Variants in CUL9 observed in about 807,000 individuals in gnomAD.
CUL9 encodes cullin-9.
Under a neutral mutation model 272.6 loss-of-function variants are expected in CUL9, and 79 were observed. The ratio of observed to expected loss-of-function variants is 0.29; its 90% CI spans 0.24 to 0.35. The LOEUF is 0.35. Ranked by LOEUF, CUL9 falls within the 10% of genes least tolerant of loss-of-function variation. The pLI, the probability that CUL9 is intolerant of heterozygous loss-of-function variation, is 1.00. For missense variants in CUL9, 2,532 were observed against 3,255.6 expected (o/e 0.78, Z 5.41); for synonymous variants, 1,186 against 1,286.5 (o/e 0.92, Z 1.67).
chr6:43,186,812 A>G (rs1772959633), intron 4 of CUL9, 148 bp from the exon 5 acceptor site: 3 of 937,322 alleles, frequency 3.2e-6, no homozygotes, highest in Non-Finnish European at 4.8e-6. Flanking sequence ...CTTTTGCCAT[A>G]TGGGGGTTTT....
At chr6:43,198,465 C>T in intron 11 of CUL9, 144 bp from the exon 12 acceptor site, 1 of 1,495,316 alleles carries the variant, frequency 6.7e-7, no homozygotes, top group South Asian at 1.4e-5. Flanking sequence ...AAAGAAAACC[C>T]CTCATAGTTT....
chr6:43,204,898 G>T (rs756145499), intron 22 of CUL9, 35 bp from the exon 23 acceptor site: 2 of 1,611,424 alleles, frequency 1.2e-6, no homozygotes, highest in African/African-American at 2.7e-5. Flanking sequence ...GGGAGGGGCT[G>T]CTCCTTTTAT....
chr6:43,191,224 A>G (rs915172909), intron 8 of CUL9, among the ~76,000 whole-genome samples: 2 of 149,058 alleles, frequency 1.3e-5, no homozygotes, highest in Non-Finnish European at 3.0e-5. Flanking sequence ...GTGTTTTCAT[A>G]TGGATAGCCA....
At position 43,200,301 on chromosome 6, in the gene CUL9, G is replaced by A. The variant is rs1774401992; in HGVS notation, c.3385-135G>A. On this transcript the variant is annotated intron_variant, in intron 14 of 40. Coordinates refer to ENST00000252050, the MANE Select transcript of CUL9 (RefSeq NM_015089.4). This position sits in a 1 kb window ranked among gnomAD's most constrained non-coding sequence, Gnocchi z 4.0. Reference sequence around the variant, plus strand: ...TTGTTTCCTAACCTTGACTCCACATGGTTCTGTCAAAATGTGGGGAGAGAG... The same window carrying A: ...TTGTTTCCTAACCTTGACTCCACATAGTTCTGTCAAAATGTGGGGAGAGAG... The A allele has an allele frequency of 6.7e-7, 1 of 1,503,410 alleles. No homozygotes were observed. Among genetic ancestry groups the A allele is most frequent in the African/African-American group, 1.4e-5 (1 of 72,594 alleles). 93.1% of individuals were successfully genotyped at this position (1,503,410 alleles called of 1,614,324 possible).
Position 43,199,741 on chromosome 6 carries a change from C to A in CUL9, c.3157-188C>A, listed in dbSNP as rs1030551698. 6.6e-6 allele frequency among the ~76,000 whole-genome samples: 1 copy of A among 152,310 alleles called. No homozygotes were observed. Among genetic ancestry groups the A allele is most frequent in the Middle Eastern group, 3.4e-3 (1 of 294 alleles). The stretch of plus-strand genomic sequence containing the variant: ...AAGCTGTGCCCAAGCTCTGTTCTGC[C>A]AACTCACTCTGGAGTCCCAGCACTC... On this transcript the variant is annotated intron_variant, in intron 13 of 40. Transcript: ENST00000252050. The surrounding 1 kb of genome is among the most constrained non-coding windows in gnomAD (Gnocchi z 4.4).
intron 20 of CUL9, 95 bp downstream of exon 20, chr6:43,204,082 C>T: frequency 6.8e-7 from 1 of 1,462,416 alleles, no homozygotes; most frequent in Non-Finnish European, 9.2e-7. Flanking sequence ...TGGTTCCTGT[C>T]TTTATCCCTG....
At position 43,205,356 on chromosome 6, in the gene CUL9, C is replaced by T. The variant is rs777071644; in HGVS notation, c.4726C>T (p.Arg1576Trp). The T allele has an allele frequency of 1.5e-5, 24 of 1,614,072 alleles. 1 individual carries two copies. The highest frequency in any genetic ancestry group is 4.5e-5 in the East Asian group (2 of 44,894). ...PGVEMLGQLQ[R>W]HLEPIMVLSG... is the part of the protein sequence containing the mutation. Reference sequence around the variant, plus strand: ...AGTGGAAATGCTGGGGCAGCTTCAGCGGCACCTGGAACCCATTATGGTCCT... The same window carrying T: ...AGTGGAAATGCTGGGGCAGCTTCAGTGGCACCTGGAACCCATTATGGTCCT... The change falls in exon 24 of 41, where the codon CGG becomes TGG. Residue 1576 changes from arginine (R) to tryptophan (W), a missense_variant. By Grantham distance (101) the Arg-to-Trp change is moderately radical. Around this residue, in one of 3 missense-constraint regions of CUL9, gnomAD observed 2,218 missense variants for 2,788.6 expected, o/e 0.80. Transcript: ENST00000252050.
chr6:43,211,908 GGTTA>G (rs112293824), intron 26 of CUL9, among the ~76,000 whole-genome samples: 4 of 152,246 alleles, frequency 2.6e-5, no homozygotes, highest in Admixed American at 6.5e-5. Context: ...GGGGTTTTTT[GGTTA>G]GTTATTTTGT....
chr6:43,214,995 A>T (rs551309124), intron 29 of CUL9, 84 bp from the exon 30 acceptor site: 2 of 1,475,874 alleles, frequency 1.4e-6, no homozygotes, highest in Non-Finnish European at 1.8e-6. Context: ...AGGGGGGGAA[A>T]AATAAGTGGC....
At chr6:43,191,275 T>TGTGC (rs1467565218) in intron 8 of CUL9, among the ~76,000 whole-genome samples, 1 of 149,580 alleles carries the variant, frequency 6.7e-6, no homozygotes. Flanking sequence ...TGTGTGTGTG[T>TGTGC]GTGTGTGTGT....
At position 43,224,005 on chromosome 6, in the gene CUL9, G is replaced by T; in HGVS notation, c.7285-90G>T. 8.1e-7 allele frequency: 1 copy of T among 1,241,808 alleles called. No homozygotes were observed. The highest frequency in any genetic ancestry group is 1.2e-6 in the Non-Finnish European group (1 of 842,768). The allele number at this position is 1,241,808 out of a possible 1,614,324, so 76.9% of individuals were successfully genotyped here. On this transcript the variant is annotated intron_variant, in intron 39 of 40. Transcript: ENST00000252050. The surrounding 1 kb of genome is among the most constrained non-coding windows in gnomAD (Gnocchi z 4.2). ...AGGGGAGCAGTCCTAGCAGGAGCTTGGCCCTCCCAGAGCATCAGTGGAAGG... is the reference window on the plus strand; with the variant it reads ...AGGGGAGCAGTCCTAGCAGGAGCTTTGCCCTCCCAGAGCATCAGTGGAAGG...
rs1024152947 is a variant in CUL9 at position 43,199,120 on chromosome 6, G to C, written c.3051-146G>C. 3.4e-5 allele frequency: 26 copies of C among 771,282 alleles called. No homozygotes were observed. The highest frequency in any genetic ancestry group is 4.9e-5 in the South Asian group (3 of 61,178). The allele number at this position is 771,282 out of a possible 1,614,324, so 47.8% of individuals were successfully genotyped here. A position where few individuals can be genotyped will look rare whatever the true frequency, so the allele number is the denominator to read the frequency against. On this transcript the variant is annotated intron_variant, in intron 12 of 40. Coordinates refer to ENST00000252050, the MANE Select transcript of CUL9 (RefSeq NM_015089.4). The surrounding 1 kb of genome is among the most constrained non-coding windows in gnomAD (Gnocchi z 4.4). ...CCCAGCTAATTTTGTATTTTTAGTAGAGATGGGGTTTCTCCATTTTGGTCA... is the reference window on the plus strand; with the variant it reads ...CCCAGCTAATTTTGTATTTTTAGTACAGATGGGGTTTCTCCATTTTGGTCA...
rs767075887 is a variant in CUL9 at position 43,204,734 on chromosome 6, C to A, written c.4340-14C>A. 15 of 1,613,402 alleles carry A rather than the reference C, an allele frequency of 9.3e-6. No individual in the cohort carries two copies. In the Admixed American group the frequency reaches 2.2e-4, roughly 23 times the overall value. On this transcript the variant is annotated splice_polypyrimidine_tract_variant and intron_variant, in intron 21 of 40. Coordinates refer to ENST00000252050, the MANE Select transcript of CUL9 (RefSeq NM_015089.4). ...CTGAGATGAAACCCCTTCCTTCTCC[C>A]TCTGTCTCTACAGTCAGCAAGAACA...
In CUL9 at chr6:43,187,270, C is replaced by T. The variant is rs542638811; in HGVS notation, c.1412C>T (p.Pro471Leu). 4.3e-6 allele frequency: 7 copies of T among 1,613,952 alleles called. 1 individual carries two copies. The South Asian group carries it at 7.7e-5, about 18-fold the overall frequency. The change falls in exon 6 of 41, where the codon CCT (proline) becomes CTT (leucine). Residue 471 changes from proline (P) to leucine (L), a missense_variant. Physicochemically the swap from Pro to Leu is moderately conservative, Grantham distance 98 (BLOSUM62 -3). This residue lies in a region of CUL9 where 2,218 missense variants were observed against 2,788.6 expected (regional missense o/e 0.80). Coordinates refer to ENST00000252050, the MANE Select transcript of CUL9 (RefSeq NM_015089.4). ...GCATTTCCCTCCTGGGACTGGAATC[C>T]TATGGATGGGCTGTACCCTTTGCCG... is the stretch of plus-strand genomic sequence containing the variant. ...GTAFPSWDWN[P>L]MDGLYPLPYL...
chr6:43,213,916 G>A lies in CUL9; in HGVS notation c.5688+4G>A. ...CATTGATCAGCTGGTTTGTCTGGTA[G>A]GCAGAGAGGGGACCATGAAGTTGGC... On this transcript the variant is annotated splice_donor_region_variant and intron_variant, in intron 29 of 40. Coordinates refer to ENST00000252050, the MANE Select transcript of CUL9 (RefSeq NM_015089.4). The surrounding 1 kb of genome is among the most constrained non-coding windows in gnomAD (Gnocchi z 5.7). The A allele has an allele frequency of 6.2e-7, 1 of 1,613,984 alleles. No individual in the cohort carries two copies. Among genetic ancestry groups the A allele is most frequent in the African/African-American group, 1.3e-5 (1 of 75,046 alleles).
Position 43,196,881 on chromosome 6 carries a change from G to T in CUL9, c.2803+19G>T. Reference sequence around the variant, plus strand: ...CGTGCAGGTACCATTGTGGAGGGGTGGTTTTGCAGAGGAATCACACAGTGC... The same window carrying T: ...CGTGCAGGTACCATTGTGGAGGGGTTGTTTTGCAGAGGAATCACACAGTGC... On this transcript the variant is annotated intron_variant, in intron 11 of 40. Transcript: ENST00000252050. The T allele has an allele frequency of 6.2e-7, 1 of 1,606,088 alleles. No individual in the cohort carries two copies.
chr6:43,185,821 C>A (rs1163471311), intron 3 of CUL9, 134 bp from the exon 4 acceptor site: 3 of 1,296,846 alleles, frequency 2.3e-6, no homozygotes, highest in Non-Finnish European at 3.1e-6. Context: ...GCCTTTCTTA[C>A]ACAAATCAAA....
chr6:43,223,231 G>A lies in CUL9; in HGVS notation c.7151-33G>A, dbSNP rs1423870177. The A allele has an allele frequency of 1.3e-6, 2 of 1,569,330 alleles. No individual in the cohort carries two copies. The highest frequency in any genetic ancestry group is 1.8e-5 in the Admixed American group (1 of 55,776). On this transcript the variant is annotated intron_variant, in intron 38 of 40. Coordinates refer to ENST00000252050, the MANE Select transcript of CUL9 (RefSeq NM_015089.4). This position sits in a 1 kb window ranked among gnomAD's most constrained non-coding sequence, Gnocchi z 4.1. ...AGGAAGGAATGGATGAGAATGAGAA[G>A]GGAGGGAGCCTCTGTGCCTGCCCCC... is the stretch of plus-strand genomic sequence containing the variant.
At position 43,224,541 on chromosome 6, in the gene CUL9, C is replaced by T; in HGVS notation, c.*96C>T. The T allele has an allele frequency of 8.7e-7, 1 of 1,146,402 alleles. No homozygotes were observed. The highest frequency in any genetic ancestry group is 1.6e-5 in the South Asian group (1 of 64,066). The allele number at this position is 1,146,402 out of a possible 1,614,324, so 71.0% of individuals were successfully genotyped here. A position where few individuals can be genotyped will look rare whatever the true frequency, so the allele number is the denominator to read the frequency against. On this transcript the variant is annotated 3_prime_UTR_variant, in exon 41 of 41. Transcript: ENST00000252050. The surrounding 1 kb of genome is among the most constrained non-coding windows in gnomAD (Gnocchi z 4.2). ...TCATAGGGAGGGGGATTCCCAGCGT[C>T]TGTAGTGCTTCCTGTTTGCTGAATA... is the stretch of plus-strand genomic sequence containing the variant.
Sources: gnomAD v4.1 joint callset for allele counts (sites outside exome capture counted in the v4.1 genomes callset) on GRCh38, gnomAD v4.1.1 for gene constraint, gnomAD v4.1.1 regional missense constraint, Gnocchi (gnomAD v3.1) non-coding constraint, MANE v1.5 for transcripts, NCBI Gene and HGNC (gene_info 2026-07-23, HGNC 2026-07-21) for gene names.